HDAC9: variants seen among roughly 807,000 people sequenced by gnomAD.
The protein encoded by HDAC9 is histone deacetylase 9.
Under a neutral mutation model 139.4 loss-of-function variants are expected in HDAC9, and 41 were observed. The observed-to-expected ratio is 0.29, with a 90% CI of 0.23 to 0.38. The LOEUF is 0.38. Among genes scored for constraint, HDAC9 ranks in the 10% least tolerant of loss-of-function variants. The pLI, the probability that HDAC9 is intolerant of heterozygous loss-of-function variation, is 1.00. For synonymous variants in HDAC9, 517 were observed against 476.2 expected, an observed-to-expected ratio of 1.09 and a Z score of -1.12; for missense variants, 1,147 against 1,297.0, an observed-to-expected ratio of 0.88 and a Z score of 1.78.
chr7:18,685,001 CT>C (rs968345002), intron 12 of HDAC9, among the ~76,000 whole-genome samples: 1 of 152,002 alleles, frequency 6.6e-6, no homozygotes, highest in African/African-American at 2.4e-5. Context: ...TTCCTTGTTA[CT>C]TTTCCTCCTC....
At chr7:18,695,472 A>G (rs1782979058) in intron 12 of HDAC9, among the ~76,000 whole-genome samples, 1 of 152,188 alleles carries the variant, frequency 6.6e-6, no homozygotes, top group South Asian at 2.1e-4. Context: ...GATTGATTTG[A>G]AAGAGTAGAA....
intron 1 of HDAC9, among the ~76,000 whole-genome samples, chr7:18,334,564 C>T (rs1781446927): frequency 6.6e-6 from 1 of 151,406 alleles, no homozygotes; most frequent in Non-Finnish European, 1.5e-5. Flanking sequence ...TGGTGATGGT[C>T]ACTTTTTCAA....
intron 1 of HDAC9, among the ~76,000 whole-genome samples, chr7:18,487,811 G>C (rs190595710): frequency 6.6e-6 from 1 of 151,978 alleles, no homozygotes; most frequent in African/African-American, 2.4e-5. Flanking sequence ...ATCATGGTGT[G>C]GTATGCCACG....
chr7:18,990,758 T>G (rs1308005906), intron 25 of HDAC9, among the ~76,000 whole-genome samples: 1 of 152,236 alleles, frequency 6.6e-6, no homozygotes, highest in Non-Finnish European at 1.5e-5. Context: ...TGGTGCGCCG[T>G]TTTTTAAGCC....
chr7:18,390,007 T>C (rs1402888066), intron 1 of HDAC9, among the ~76,000 whole-genome samples: 1 of 150,832 alleles, frequency 6.6e-6, no homozygotes, highest in Admixed American at 6.6e-5. Context: ...AAAAATAAGA[T>C]ATTTTTAGAT....
intron 22 of HDAC9, among the ~76,000 whole-genome samples, chr7:18,910,502 C>G (rs1461855112): frequency 1.3e-5 from 2 of 152,048 alleles, no homozygotes; most frequent in Non-Finnish European, 1.5e-5. Context: ...GGGAGTTTGA[C>G]TTTCTCCTTT....
intron 1 of HDAC9, among the ~76,000 whole-genome samples, chr7:18,130,308 C>G (rs1784922802): frequency 6.6e-6 from 1 of 152,024 alleles, no homozygotes; most frequent in African/African-American, 2.4e-5. Context: ...TATAAAGGCC[C>G]TGAGGTAGGA....
At chr7:18,728,772 A>G (rs1024009338) in intron 13 of HDAC9, among the ~76,000 whole-genome samples, 1 of 152,184 alleles carries the variant, frequency 6.6e-6, no homozygotes, top group Non-Finnish European at 1.5e-5. Context: ...CCATATTCCC[A>G]AGCCTTGATA....
At chr7:18,767,929 C>A (rs1037308868) in intron 16 of HDAC9, among the ~76,000 whole-genome samples, 1 of 152,114 alleles carries the variant, frequency 6.6e-6, no homozygotes, top group Non-Finnish European at 1.5e-5. Flanking sequence ...AAGAACAAAA[C>A]TAGTCACATG....
chr7:18,863,887 C>A (rs1798293187), intron 21 of HDAC9, among the ~76,000 whole-genome samples: 1 of 152,162 alleles, frequency 6.6e-6, no homozygotes, highest in South Asian at 2.1e-4. Context: ...AGGGAACAGC[C>A]AGTGTGAAAT....
intron 25 of HDAC9, among the ~76,000 whole-genome samples, chr7:18,992,707 T>C (rs1174027920): frequency 6.8e-6 from 1 of 146,586 alleles, no homozygotes; most frequent in East Asian, 2.0e-4. Flanking sequence ...AATTACTTCC[T>C]TTTTTTTTTA....
rs1481292179 is a variant in HDAC9 at position 18,594,047 on chromosome 7, G to A, written c.664+18G>A. 2.5e-6 allele frequency: 4 copies of A among 1,611,340 alleles called. No individual in the cohort carries two copies. Among genetic ancestry groups the A allele is most frequent in the Non-Finnish European group, 3.4e-6 (4 of 1,178,202 alleles). On this transcript the variant is annotated intron_variant, in intron 6 of 25. Coordinates refer to ENST00000686413, the MANE Select transcript of HDAC9 (RefSeq NM_178425.4). ...AAAAACTGGTAAGTTGGTTTAACAG[G>A]AACTCTGTTTGCTCTTCTGTAACAC... is the stretch of plus-strand genomic sequence containing the variant.
At chr7:18,105,940 T>C (rs1055141855) in intron 1 of HDAC9, among the ~76,000 whole-genome samples, 2 of 152,170 alleles carry the variant, frequency 1.3e-5, no homozygotes, top group African/African-American at 4.8e-5. Flanking sequence ...TGGGTGAACC[T>C]TGAAAACATT....
At chr7:18,185,433 G>C (rs924914427) in intron 2 of HDAC9, among the ~76,000 whole-genome samples, 1 of 152,108 alleles carries the variant, frequency 6.6e-6, no homozygotes, top group East Asian at 1.9e-4. Flanking sequence ...CAAAGAACAG[G>C]ATAAAGTAAA....
intron 1 of HDAC9, among the ~76,000 whole-genome samples, chr7:18,098,053 C>G (rs1182607322): frequency 3.9e-5 from 6 of 152,222 alleles, no homozygotes; most frequent in Non-Finnish European, 7.3e-5. Context: ...CCCTTTTACC[C>G]TTTCTGGTCC....
chr7:18,432,713 C>T (rs1001219563), intron 1 of HDAC9, among the ~76,000 whole-genome samples: 6 of 151,980 alleles, frequency 3.9e-5, no homozygotes, highest in African/African-American at 1.2e-4. Context: ...TTTGGGAGGC[C>T]GAGGTGGGCG....
chr7:18,612,372 G>A (rs1321753691), intron 6 of HDAC9, among the ~76,000 whole-genome samples: 1 of 151,876 alleles, frequency 6.6e-6, no homozygotes, highest in Non-Finnish European at 1.5e-5. Context: ...TTATTACTAG[G>A]ATAATATTTA....
chr7:18,574,900 G>A (rs1022308340), intron 2 of HDAC9, among the ~76,000 whole-genome samples: 1 of 152,228 alleles, frequency 6.6e-6, no homozygotes, highest in Non-Finnish European at 1.5e-5. Flanking sequence ...CCGACTGTGC[G>A]CAGGGATGCC....
rs548434986 is a variant in HDAC9, at chr7:18,437,778, A to C, written c.-41-58484A>C. Among the ~76,000 whole-genome samples the C allele has an allele frequency of 4.0e-4, 60 of 151,388 alleles. 1 individual carries two copies. In the South Asian group the frequency reaches 0.012, roughly 30 times the overall value. The stretch of plus-strand genomic sequence containing the variant: ...AAAATATTATTAAAAGTTTAGTCCC[A>C]AAAATGAAAATAATTCATACATTTA... On this transcript the variant is annotated intron_variant, in intron 1 of 3. Transcript: ENST00000413509.
Sources: gnomAD v4.1 joint callset for allele counts (sites outside exome capture counted in the v4.1 genomes callset) on GRCh38, gnomAD v4.1.1 for gene constraint, MANE v1.5 for transcripts, NCBI Gene and HGNC (gene_info 2026-07-23, HGNC 2026-07-21) for gene names.